The following DMXL2 variants were observed in gnomAD, a reference collection of about 807,000 sequenced individuals.
The protein encoded by DMXL2 is Dmx like 2, also known as dmX-like protein 2.
DMXL2 carries 103 observed loss-of-function variants against 331.1 expected under a neutral mutation model. That is an observed-to-expected ratio of 0.31 (90% CI 0.27 to 0.37). The LOEUF (loss-of-function observed/expected upper bound fraction) is 0.37. Among genes scored for constraint, DMXL2 ranks in the 10% least tolerant of loss-of-function variants. The pLI is 1.00. For synonymous variants in DMXL2, 1,281 were observed against 1,252.1 expected (o/e 1.02, Z -0.49); for missense variants, 3,171 against 3,642.9 (o/e 0.87, Z 3.33).
intron 11 of DMXL2, among the ~76,000 whole-genome samples, chr15:51,537,121 TGA>T (rs1303878207): frequency 2.6e-5 from 4 of 152,186 alleles, no homozygotes; most frequent in African/African-American, 9.7e-5. Context: ...GCAATAAAGT[TGA>T]GAGAGATGAC....
At position 51,499,657 on chromosome 15, in the gene DMXL2, C is replaced by A. The variant is rs201138302; in HGVS notation, c.3567G>T (p.Ala1189=). The A allele has an allele frequency of 3.7e-6, 6 of 1,613,990 alleles. No individual in the cohort carries two copies. The highest frequency in any genetic ancestry group is 5.1e-6 in the Non-Finnish European group (6 of 1,179,982). ...AAAGCCTTCCATACATGAAGATATTCGCACCGACTCCCACTGTAAGAATGT... is the reference window on the plus strand; with the variant it reads ...AAAGCCTTCCATACATGAAGATATTAGCACCGACTCCCACTGTAAGAATGT... ...GSHILTVGVG[A]NIFMYGRLSG... The change falls in exon 18 of 44, where the codon GCG becomes GCT. Residue 1189 remains alanine (A), a synonymous_variant. Transcript: ENST00000560891.
chr15:51,579,581 G>C (rs1595596312), intron 1 of DMXL2, among the ~76,000 whole-genome samples: 1 of 152,152 alleles, frequency 6.6e-6, no homozygotes, highest in Non-Finnish European at 1.5e-5. Context: ...TCAATAAATA[G>C]CTGTATAGTA....
Position 51,480,222 on chromosome 15 carries a change from T to C in DMXL2, c.6565-83A>G, listed in dbSNP as rs138707851. The stretch of plus-strand genomic sequence containing the variant: ...CTGACAGAAATACTGGTGATAAACA[T>C]TGTGTAAAGGGAATATGTTCGCTCA... On this transcript the variant is annotated intron_variant, in intron 24 of 43. Transcript: ENST00000560891. 5.3e-6 allele frequency: 7 copies of C among 1,315,112 alleles called. No individual in the cohort carries two copies. In the African/African-American group the frequency reaches 5.9e-5, roughly 11 times the overall value. 81.5% of individuals were successfully genotyped at this position (1,315,112 alleles called of 1,614,324 possible).
chr15:51,524,940 C>A (rs2047583985), intron 13 of DMXL2, among the ~76,000 whole-genome samples: 1 of 151,894 alleles, frequency 6.6e-6, no homozygotes, highest in Non-Finnish European at 1.5e-5. Context: ...CTGGCATCAT[C>A]CCTTCCCTAA....
intron 32 of DMXL2, 84 bp downstream of exon 32, chr15:51,464,591 T>G: frequency 1.8e-6 from 2 of 1,123,358 alleles, no homozygotes; most frequent in Non-Finnish European, 2.6e-6. Flanking sequence ...ATGAATGTTT[T>G]AAAGTATATT....
rs779755582 is a variant in DMXL2 at position 51,499,286 on chromosome 15, TCAA to T, written c.3935_3937del (p.Val1312del). The stretch of plus-strand genomic sequence containing the variant: ...AACATCATCAGAAATAGCTGTTCCT[TCAA>T]CAACACTTTTTCTTGCCAGCATATT... On this transcript the variant is annotated inframe_deletion, in exon 18 of 44. Coordinates refer to ENST00000560891, the MANE Select transcript of DMXL2 (RefSeq NM_001378457.1). The T allele has an allele frequency of 6.8e-6, 11 of 1,613,942 alleles. No homozygotes were observed. Among genetic ancestry groups the T allele is most frequent in the Non-Finnish European group, 8.5e-6 (10 of 1,180,032 alleles).
intron 9 of DMXL2, 109 bp downstream of exon 9, chr15:51,542,224 T>C: frequency 8.9e-7 from 1 of 1,119,450 alleles, no homozygotes; most frequent in Non-Finnish European, 1.3e-6. Flanking sequence ...AATTAAGTAT[T>C]TTAAAGGCAA....
At chr15:51,488,844 T>C (rs889975548) in intron 20 of DMXL2, among the ~76,000 whole-genome samples, 199 bp from the exon 21 acceptor site, 2 of 152,198 alleles carry the variant, frequency 1.3e-5, no homozygotes, top group African/African-American at 4.8e-5. Context: ...CCAGTAATTA[T>C]GGTAAAAATC....
At chr15:51,608,888 G>A (rs1456891130) in intron 1 of DMXL2, among the ~76,000 whole-genome samples, 1 of 152,202 alleles carries the variant, frequency 6.6e-6, no homozygotes, top group Non-Finnish European at 1.5e-5. Context: ...TGTAAGAGAG[G>A]AAGGAAGAAA....
At chr15:51,591,688 C>T (rs1270974001) in intron 1 of DMXL2, among the ~76,000 whole-genome samples, 2 of 152,164 alleles carry the variant, frequency 1.3e-5, no homozygotes, top group Admixed American at 6.5e-5. Flanking sequence ...CCAGTAGGGG[C>T]AGACTGACAC....
intron 6 of DMXL2, among the ~76,000 whole-genome samples, chr15:51,563,171 G>A (rs182148279): frequency 1.3e-5 from 2 of 151,866 alleles, no homozygotes; most frequent in Non-Finnish European, 2.9e-5. Context: ...TCAAATAAGA[G>A]TAATAAGAAT....
At chr15:51,583,084 C>T (rs2051557617) in intron 1 of DMXL2, among the ~76,000 whole-genome samples, 2 of 146,594 alleles carry the variant, frequency 1.4e-5, no homozygotes, top group South Asian at 2.2e-4. Flanking sequence ...TACATCAGCA[C>T]AGAGGAAATT....
rs977131762 is a variant in DMXL2, at chr15:51,463,409, A to G, written c.7896T>C (p.Tyr2632=). ...QEVLQETFIR[Y]IFTKKRKQSE... is the part of the protein sequence containing the mutation. ...TCTGCTTTCTTTTCTTAGTGAAAAT[A>G]TATCTAATAAATGTCTCTTGAAGGA... Residue 2632 remains tyrosine, a synonymous_variant, in exon 33 of 44, where the codon TAT becomes TAC. Coordinates refer to ENST00000560891, the MANE Select transcript of DMXL2 (RefSeq NM_001378457.1). 4 of 1,583,560 alleles carry G rather than the reference A, an allele frequency of 2.5e-6. No homozygotes were observed. The highest frequency in any genetic ancestry group is 1.8e-5 in the Admixed American group (1 of 55,390).
At chr15:51,605,187 G>A (rs1346689500) in intron 1 of DMXL2, among the ~76,000 whole-genome samples, 1 of 151,888 alleles carries the variant, frequency 6.6e-6, no homozygotes, top group African/African-American at 2.4e-5. Context: ...GTACAACGGG[G>A]GAAAAAAACA....
intron 25 of DMXL2, 133 bp downstream of exon 25, chr15:51,479,815 T>C (rs1388494849): frequency 3.8e-6 from 2 of 530,682 alleles, no homozygotes; most frequent in Non-Finnish European, 5.9e-6. Context: ...ATTGGACTAA[T>C]AGTCTTGAAC....
chr15:51,518,535 G>C (rs2047164875), intron 13 of DMXL2, among the ~76,000 whole-genome samples: 1 of 152,136 alleles, frequency 6.6e-6, no homozygotes, highest in Non-Finnish European at 1.5e-5. Flanking sequence ...CTGAAACTAA[G>C]ACATCTGTAT....
At chr15:51,490,508 T>C (rs1006782580) in intron 20 of DMXL2, among the ~76,000 whole-genome samples, 4 of 152,202 alleles carry the variant, frequency 2.6e-5, no homozygotes, top group African/African-American at 9.6e-5. Flanking sequence ...AAAATATGAA[T>C]AAGAATTCCA....
intron 13 of DMXL2, among the ~76,000 whole-genome samples, chr15:51,529,148 A>T (rs1049261566): frequency 2.0e-5 from 3 of 152,272 alleles, no homozygotes; most frequent in African/African-American, 7.2e-5. Context: ...AAGTGCCTAC[A>T]TCAAAAAACA....
chr15:51,488,228 A>G (rs1307753941), intron 21 of DMXL2, 109 bp from the exon 22 acceptor site: 75 of 1,081,254 alleles, frequency 6.9e-5, no homozygotes, highest in Non-Finnish European at 8.8e-5. Flanking sequence ...AAGAAGAACA[A>G]TAACTTCAAG....
Sources: gnomAD v4.1 joint callset for allele counts (sites outside exome capture counted in the v4.1 genomes callset) on GRCh38, gnomAD v4.1.1 for gene constraint, MANE v1.5 for transcripts, NCBI Gene and HGNC (gene_info 2026-07-23, HGNC 2026-07-21) for gene names.